The following DMD variants were observed in gnomAD, a reference collection of about 807,000 sequenced individuals.
The protein encoded by DMD is mutant dystrophin.
DMD carries 63 observed loss-of-function variants against 330.1 expected under a neutral mutation model. That is an observed-to-expected ratio of 0.19 (90% CI 0.16 to 0.24). The LOEUF (loss-of-function observed/expected upper bound fraction) is 0.24, where lower values mean the gene tolerates loss of function less well. Among genes scored for constraint, DMD ranks in the 10% least tolerant of loss-of-function variants. DMD has a pLI of 1.00. For synonymous variants in DMD, 1,223 were observed against 959.8 expected, an observed-to-expected ratio of 1.27 and a Z score of -5.07; for missense variants, 3,344 against 2,684.1, an observed-to-expected ratio of 1.25 and a Z score of -5.43.
intron 2 of DMD, among the ~76,000 whole-genome samples, chrX:32,932,269 T>C (rs2089655032): frequency 8.9e-6 from 1 of 112,542 alleles, no homozygotes; most frequent in Non-Finnish European, 1.9e-5. Flanking sequence ...TTAACACTGA[T>C]ACTGCTCTTT....
chrX:32,892,844 C>A (rs1451381245), intron 2 of DMD, among the ~76,000 whole-genome samples: 1 of 112,103 alleles, frequency 8.9e-6, no homozygotes, highest in African/African-American at 3.2e-5. Flanking sequence ...ATCGTGTAAG[C>A]AAGGCTGAAA....
chrX:32,494,141 C>T (rs1479383564), intron 19 of DMD, among the ~76,000 whole-genome samples: 2 of 111,115 alleles, frequency 1.8e-5, no homozygotes, highest in Non-Finnish European at 3.8e-5. Flanking sequence ...CTGCAGTATC[C>T]GTTAAAATCT....
chrX:32,870,496 C>G (rs1326264193), intron 2 of DMD, among the ~76,000 whole-genome samples: 1 of 111,921 alleles, frequency 8.9e-6, no homozygotes, highest in African/African-American at 3.2e-5. Context: ...GCAAAAATAA[C>G]AAAGCTAGAA....
At chrX:32,314,728 G>A (rs1227566442) in intron 41 of DMD, among the ~76,000 whole-genome samples, 1 of 111,397 alleles carries the variant, frequency 9.0e-6, no homozygotes, top group Non-Finnish European at 1.9e-5. Flanking sequence ...GTGGGCAAAG[G>A]ATATGAACAG....
chrX:32,120,292 T>G (rs993647528), intron 44 of DMD, among the ~76,000 whole-genome samples: 3 of 112,032 alleles, frequency 2.7e-5, no homozygotes, highest in Non-Finnish European at 5.6e-5. Flanking sequence ...AGCATCAGCA[T>G]CACCTGGTAA....
At chrX:31,657,273 G>A (rs2080840068) in intron 54 of DMD, among the ~76,000 whole-genome samples, 1 of 111,607 alleles carries the variant, frequency 9.0e-6, no homozygotes, top group Non-Finnish European at 1.9e-5. Flanking sequence ...TATATCACGT[G>A]GTTCAGGACC....
intron 41 of DMD, among the ~76,000 whole-genome samples, chrX:32,335,411 ATATAACT>A (rs1248455170): frequency 1.3e-4 from 14 of 105,194 alleles, no homozygotes; most frequent in Non-Finnish European, 5.8e-5. Context: ...TAACATATAT[ATATAACT>A]TGTATATATA....
intron 9 of DMD, 70 bp downstream of exon 9, chrX:32,697,800 T>A: frequency 1.7e-6 from 2 of 1,189,294 alleles, no homozygotes; most frequent in Non-Finnish European, 2.3e-6. Flanking sequence ...TTCAAGCAAG[T>A]AAAAGCAGTG....
chrX:32,206,874 T>C (rs1475526500), intron 44 of DMD: 4 of 311,889 alleles, frequency 1.3e-5, no homozygotes, highest in Non-Finnish European at 2.3e-5. Flanking sequence ...CCAGATTCCA[T>C]TGCCAAGAAT....
intron 44 of DMD, among the ~76,000 whole-genome samples, chrX:32,069,924 G>A (rs914011785): frequency 4.5e-5 from 5 of 111,637 alleles, no homozygotes. Context: ...ACCCTAAATT[G>A]ACAAGGAGGA....
chrX:32,723,331 T>G (rs2066526491), intron 7 of DMD, among the ~76,000 whole-genome samples: 1 of 111,459 alleles, frequency 9.0e-6, no homozygotes, highest in Non-Finnish European at 1.9e-5. Flanking sequence ...TAATACTTTA[T>G]TGAGGACTTT....
chrX:32,875,687 G>A (rs1184347931), intron 2 of DMD, among the ~76,000 whole-genome samples: 1 of 111,825 alleles, frequency 8.9e-6, no homozygotes, highest in Non-Finnish European at 1.9e-5. Context: ...AAAACCGAAT[G>A]GTCTTTTCTC....
chrX:33,139,966 C>T (rs757004641), intron 1 of DMD, among the ~76,000 whole-genome samples: 1 of 107,129 alleles, frequency 9.3e-6, no homozygotes, highest in South Asian at 4.5e-4. Flanking sequence ...CTTTGGACTC[C>T]CAGCTTCTTC....
chrX:32,582,041 C>T (rs1048654884), intron 13 of DMD, among the ~76,000 whole-genome samples: 2 of 111,528 alleles, frequency 1.8e-5, no homozygotes, highest in Non-Finnish European at 3.8e-5. Context: ...CAGAAGGTAT[C>T]TACAACAAAC....
At chrX:32,228,702 C>G (rs909292241) in intron 43 of DMD, among the ~76,000 whole-genome samples, 5 of 111,735 alleles carry the variant, frequency 4.5e-5, no homozygotes, top group African/African-American at 1.6e-4. Flanking sequence ...TACATATCCT[C>G]TACTATATAG....
chrX:32,476,860 C>T (rs998409010), intron 21 of DMD, among the ~76,000 whole-genome samples: 5 of 111,380 alleles, frequency 4.5e-5, no homozygotes, highest in South Asian at 3.7e-4. Context: ...TCTACGGAAA[C>T]TCACTTTTTT....
intron 1 of DMD, among the ~76,000 whole-genome samples, chrX:33,101,018 A>G (rs1331478813): frequency 8.9e-6 from 1 of 112,168 alleles, no homozygotes; most frequent in Non-Finnish European, 1.9e-5. Context: ...TAGCCATGTG[A>G]CAAGTGTGGG....
At chrX:32,606,866 C>G (rs2056764649) in intron 12 of DMD, among the ~76,000 whole-genome samples, 1 of 108,991 alleles carries the variant, frequency 9.2e-6, no homozygotes, top group Admixed American at 9.9e-5. Context: ...GGCCATTATC[C>G]TAAGTGAAGT....
intron 2 of DMD, among the ~76,000 whole-genome samples, chrX:32,872,204 A>C (rs923735455): frequency 3.6e-5 from 4 of 111,333 alleles, no homozygotes; most frequent in African/African-American, 1.3e-4. Flanking sequence ...AAGGTTGCTA[A>C]TGCCATCATG....
Sources: allele counts gnomAD v4.1 joint callset (sites outside exome capture counted in the v4.1 genomes callset), GRCh38; gene constraint gnomAD v4.1.1; transcripts MANE v1.5; gene names NCBI Gene and HGNC (gene_info 2026-07-23, HGNC 2026-07-21).